ANO2: variants seen among roughly 807,000 people sequenced by gnomAD.
The protein encoded by ANO2 is anoctamin-2.
ANO2 carries 101 observed loss-of-function variants against 124.2 expected under a neutral mutation model. The ratio of observed to expected loss-of-function variants is 0.81; its 90% CI spans 0.69 to 0.96. The LOEUF is 0.96. ANO2 is among the 40% of genes least tolerant of loss of function. The probability of loss-of-function intolerance (pLI) is 0.00; values close to 1 mark genes in which losing one functional copy is unlikely to be tolerated. For synonymous variants in ANO2, 486 were observed against 482.5 expected (o/e 1.01, Z -0.09); for missense variants, 1,293 against 1,274.5 (o/e 1.01, Z -0.22).
chr12:5,636,266 G>T lies in ANO2; in HGVS notation c.1621-919C>A, dbSNP rs541993851. ...TTCTTCTGTCCCCACGTCCCCTCCT[G>T]TCCCCATCGCAACCAAGGAAGGATC... is the stretch of plus-strand genomic sequence containing the variant. On this transcript the variant is annotated intron_variant, in intron 15 of 24. Coordinates refer to ENST00000682330, the MANE Select transcript of ANO2 (RefSeq NM_001364791.2). The surrounding 1 kb of genome is among the most constrained non-coding windows in gnomAD (Gnocchi z 4.6). Among the ~76,000 whole-genome samples, 26 of 152,110 alleles carry T rather than the reference G, an allele frequency of 1.7e-4. 1 individual carries two copies. The highest frequency in any genetic ancestry group is 5.8e-4 in the African/African-American group (24 of 41,508).
chr12:5,728,483 G>A (rs1950524179), intron 14 of ANO2, among the ~76,000 whole-genome samples: 1 of 151,980 alleles, frequency 6.6e-6, no homozygotes, highest in South Asian at 2.1e-4. Flanking sequence ...ATAAAACATT[G>A]TTGAAAAAAT....
intron 7 of ANO2, among the ~76,000 whole-genome samples, chr12:5,820,618 C>G (rs1013438092): frequency 6.6e-6 from 1 of 152,180 alleles, no homozygotes; most frequent in Non-Finnish European, 1.5e-5. Context: ...AGAGCTGGCT[C>G]TACCTAGAAA....
At chr12:5,915,667 G>A (rs1292778450) in intron 3 of ANO2, among the ~76,000 whole-genome samples, 1 of 152,184 alleles carries the variant, frequency 6.6e-6, no homozygotes, top group Non-Finnish European at 1.5e-5. Context: ...GCCACCAGGT[G>A]CAGTCAAGCA....
intron 3 of ANO2, among the ~76,000 whole-genome samples, chr12:5,859,486 G>A (rs1405721804): frequency 2.6e-5 from 4 of 152,128 alleles, no homozygotes; most frequent in Non-Finnish European, 5.9e-5. Context: ...GTGGCCAAAG[G>A]AAATGAATAC....
At chr12:5,834,579 A>G (rs769589923) in intron 4 of ANO2, among the ~76,000 whole-genome samples, 1 of 152,272 alleles carries the variant, frequency 6.6e-6, no homozygotes, top group East Asian at 1.9e-4. Context: ...TTAATAAAAT[A>G]ATGATAAGTA....
chr12:5,613,550 A>T (rs1212195840), intron 17 of ANO2, among the ~76,000 whole-genome samples: 1 of 152,188 alleles, frequency 6.6e-6, no homozygotes, highest in Non-Finnish European at 1.5e-5. Flanking sequence ...AAACAGTAAA[A>T]GCCCACCATG....
intron 1 of ANO2, among the ~76,000 whole-genome samples, chr12:5,933,574 C>T (rs149895336): frequency 6.6e-5 from 10 of 152,138 alleles, no homozygotes; most frequent in South Asian, 2.1e-4. Flanking sequence ...TTCTGATACA[C>T]GTACCCTTTA....
intron 7 of ANO2, among the ~76,000 whole-genome samples, chr12:5,813,978 C>T (rs1453846253): frequency 1.3e-5 from 2 of 152,206 alleles, no homozygotes; most frequent in Non-Finnish European, 2.9e-5. Flanking sequence ...TCCAGCCTTG[C>T]CAGCTGTGTG....
intron 14 of ANO2, among the ~76,000 whole-genome samples, chr12:5,701,087 A>ATTTTTTTTTTTTTT (rs56113538): frequency 2.1e-5 from 2 of 93,610 alleles, no homozygotes; most frequent in East Asian, 3.4e-4. Flanking sequence ...GTCATTTTCA[A>ATTTTTTTTTTTTTT]TTTTTTTTTT....
intron 16 of ANO2, among the ~76,000 whole-genome samples, chr12:5,622,779 C>G (rs942011422): frequency 1.3e-5 from 2 of 152,018 alleles, no homozygotes; most frequent in Non-Finnish European, 2.9e-5. Context: ...GCCTGGCAAA[C>G]ATGGCAAAAC....
intron 16 of ANO2, among the ~76,000 whole-genome samples, chr12:5,621,557 G>T (rs1945119871): frequency 6.6e-6 from 1 of 152,216 alleles, no homozygotes; most frequent in South Asian, 2.1e-4. Flanking sequence ...AGAGGAAATG[G>T]ACTGACAGGT....
intron 10 of ANO2, among the ~76,000 whole-genome samples, chr12:5,796,654 G>C (rs1952870994): frequency 6.6e-6 from 1 of 152,216 alleles, no homozygotes; most frequent in African/African-American, 2.4e-5. Context: ...GAGGCCATCA[G>C]CAGTCTCACA....
At chr12:5,734,941 C>T (rs1950795394) in intron 13 of ANO2, among the ~76,000 whole-genome samples, 1 of 152,200 alleles carries the variant, frequency 6.6e-6, no homozygotes, top group African/African-American at 2.4e-5. Flanking sequence ...TGAACCACTG[C>T]ACCCGGCCAT....
At chr12:5,915,094 C>A (rs1464528560) in intron 3 of ANO2, among the ~76,000 whole-genome samples, 1 of 152,150 alleles carries the variant, frequency 6.6e-6, no homozygotes, top group African/African-American at 2.4e-5. Context: ...TAAATTAGCC[C>A]CCAACTCTGA....
At chr12:5,800,687 G>A (rs894457679) in intron 9 of ANO2, among the ~76,000 whole-genome samples, 1 of 152,200 alleles carries the variant, frequency 6.6e-6, no homozygotes, top group Non-Finnish European at 1.5e-5. Flanking sequence ...ACTGAAATGT[G>A]GGAAGGACAG....
chr12:5,664,790 C>CCTCT (rs1449089610), intron 14 of ANO2, among the ~76,000 whole-genome samples: 2 of 152,038 alleles, frequency 1.3e-5, no homozygotes, highest in Admixed American at 1.3e-4. Flanking sequence ...ATACGCATAG[C>CCTCT]CTCTCTCTCT....
At position 5,767,347 on chromosome 12, in the gene ANO2, C is replaced by A. The variant is rs577082171; in HGVS notation, c.1056-16377G>T. Among the ~76,000 whole-genome samples, 9 of 152,264 alleles carry A rather than the reference C, an allele frequency of 5.9e-5. No individual in the cohort carries two copies. In the East Asian group the frequency reaches 1.7e-3, roughly 29 times the overall value. On this transcript the variant is annotated intron_variant, in intron 10 of 24. Coordinates refer to ENST00000682330, the MANE Select transcript of ANO2 (RefSeq NM_001364791.2). Reference sequence around the variant, plus strand: ...AATCCCAATGACAGAAGAAGCCAGGCAAGACAGCAAAAGTCTCTCCTTGGT... The same window carrying A: ...AATCCCAATGACAGAAGAAGCCAGGAAAGACAGCAAAAGTCTCTCCTTGGT...
At chr12:5,686,728 C>T (rs946169139) in intron 14 of ANO2, among the ~76,000 whole-genome samples, 39 of 152,254 alleles carry the variant, frequency 2.6e-4, no homozygotes, top group African/African-American at 8.2e-4. Flanking sequence ...ACACCAGCTG[C>T]GCTGACGTTC....
chr12:5,575,952 G>C lies in ANO2; in HGVS notation c.2503C>G (p.His835Asp). ...ACAAAGCCGTGCAGAGTCCCATTGT[G>C]ACTGTAGGAGTACTGGTACACCAGG... Reference protein sequence around the residue: ...PRLVYQYSYSHNGTLHGFVNH... With the variant: ...PRLVYQYSYSDNGTLHGFVNH... The change falls in exon 23 of 25, where the codon CAC (histidine) becomes GAC (aspartate). Residue 835 changes from histidine (H) to aspartate (D), a missense_variant. By Grantham distance (81) the His-to-Asp change is moderately conservative. Transcript: ENST00000682330. The C allele has an allele frequency of 2.5e-6, 4 of 1,613,236 alleles. No individual in the cohort carries two copies. The highest frequency in any genetic ancestry group is 3.4e-6 in the Non-Finnish European group (4 of 1,179,608).
Sources: allele counts gnomAD v4.1 joint callset (sites outside exome capture counted in the v4.1 genomes callset), GRCh38; gene constraint gnomAD v4.1.1; non-coding constraint Gnocchi (gnomAD v3.1); transcripts MANE v1.5; gene names NCBI Gene and HGNC (gene_info 2026-07-23, HGNC 2026-07-21).